CRADD: variants seen among roughly 807,000 people sequenced by gnomAD.
The protein encoded by CRADD is death domain-containing protein CRADD.
Under a neutral mutation model 15.5 loss-of-function variants are expected in CRADD, and 9 were observed. The ratio of observed to expected loss-of-function variants is 0.58; its 90% CI spans 0.35 to 1.01. The LOEUF (loss-of-function observed/expected upper bound fraction) is 1.01. Among genes scored for constraint, CRADD ranks in the 50% least tolerant of loss-of-function variants. The probability of loss-of-function intolerance (pLI) is 0.02; values close to 1 mark genes in which losing one functional copy is unlikely to be tolerated. For missense variants in CRADD, 227 were observed against 250.3 expected (o/e 0.91, Z 0.63); for synonymous variants, 118 against 107.6 (o/e 1.10, Z -0.60).
chr12:93,842,902 A>T (rs1268064743), intron 2 of CRADD, among the ~76,000 whole-genome samples: 2 of 152,066 alleles, frequency 1.3e-5, no homozygotes, highest in African/African-American at 4.8e-5. Flanking sequence ...GTCAGTATAT[A>T]TTGCCCCTTT....
At chr12:93,857,642 C>T (rs1351890059) in intron 2 of CRADD, among the ~76,000 whole-genome samples, 3 of 152,204 alleles carry the variant, frequency 2.0e-5, no homozygotes, top group Non-Finnish European at 4.4e-5. Context: ...ATTTGGCTCA[C>T]GATTCTGCTG....
At chr12:93,714,270 A>C (rs1956124320) in intron 2 of CRADD, among the ~76,000 whole-genome samples, 1 of 152,182 alleles carries the variant, frequency 6.6e-6, no homozygotes, top group Non-Finnish European at 1.5e-5. Flanking sequence ...TCCAATCCTG[A>C]GAATTTGTGA....
chr12:93,790,368 G>A (rs1015190597), intron 2 of CRADD, among the ~76,000 whole-genome samples: 4 of 151,886 alleles, frequency 2.6e-5, no homozygotes, highest in Non-Finnish European at 4.4e-5. Flanking sequence ...GCTAAATGAC[G>A]AGTTAATGGG....
At chr12:93,870,961 A>C (rs551063006) in intron 2 of CRADD, among the ~76,000 whole-genome samples, 1 of 152,220 alleles carries the variant, frequency 6.6e-6, no homozygotes, top group Non-Finnish European at 1.5e-5. Context: ...ACATAAGCAA[A>C]ATGGGAGCAC....
chr12:93,742,844 G>A (rs1253248315), intron 2 of CRADD, among the ~76,000 whole-genome samples: 1 of 152,012 alleles, frequency 6.6e-6, no homozygotes, highest in African/African-American at 2.4e-5. Context: ...GTGTTTGTGC[G>A]GCTCCAGATC....
At chr12:93,793,036 A>G (rs1248597163) in intron 2 of CRADD, among the ~76,000 whole-genome samples, 1 of 152,216 alleles carries the variant, frequency 6.6e-6, no homozygotes, top group Non-Finnish European at 1.5e-5. Context: ...ATGTATCATT[A>G]TATACTCAGA....
chr12:93,799,033 G>A (rs1202039694), intron 2 of CRADD, among the ~76,000 whole-genome samples: 1 of 152,082 alleles, frequency 6.6e-6, no homozygotes, highest in Non-Finnish European at 1.5e-5. Context: ...AGGAGAAGAA[G>A]GGAGGGAAGA....
chr12:93,698,522 G>A (rs1955766871), intron 2 of CRADD, among the ~76,000 whole-genome samples: 1 of 152,086 alleles, frequency 6.6e-6, no homozygotes. Context: ...TCAGGAACTA[G>A]GAAGAGCATT....
intron 2 of CRADD, among the ~76,000 whole-genome samples, chr12:93,874,284 G>A (rs997077170): frequency 6.6e-6 from 1 of 151,902 alleles, no homozygotes. Context: ...TGTATCAGTT[G>A]TCATGTCTCC....
At chr12:93,741,973 T>C (rs1227121542) in intron 2 of CRADD, among the ~76,000 whole-genome samples, 2 of 152,206 alleles carry the variant, frequency 1.3e-5, no homozygotes, top group Non-Finnish European at 2.9e-5. Context: ...ATCTTTGTTA[T>C]CTGATTTGCT....
chr12:93,791,151 A>G (rs1455020906), intron 2 of CRADD, among the ~76,000 whole-genome samples: 3 of 152,204 alleles, frequency 2.0e-5, no homozygotes, highest in African/African-American at 7.2e-5. Context: ...CGTATGATCA[A>G]GCAATCTCAC....
chr12:93,894,301 CTAG>C, exon 3 of CRADD: 1 of 601,084 alleles, frequency 1.7e-6, no homozygotes, highest in Non-Finnish European at 3.0e-6. Flanking sequence ...ATGTTGGCAT[CTAG>C]TGAGTAGATA....
intron 2 of CRADD, among the ~76,000 whole-genome samples, chr12:93,758,554 G>T (rs1032502665): frequency 3.3e-5 from 5 of 151,720 alleles, no homozygotes; most frequent in Admixed American, 1.3e-4. Context: ...ATATAATTAT[G>T]ACTTTTAATT....
chr12:93,854,555 C>T (rs1035280026), downstream of CRADD, among the ~76,000 whole-genome samples: 5 of 152,204 alleles, frequency 3.3e-5, no homozygotes, highest in Admixed American at 6.5e-5. Flanking sequence ...GGGTCCGTTT[C>T]GTGCAATCCA....
chr12:93,781,347 A>G (rs1445155455), intron 2 of CRADD, among the ~76,000 whole-genome samples: 1 of 152,206 alleles, frequency 6.6e-6, no homozygotes, highest in Admixed American at 6.5e-5. Context: ...TGGATTTAAA[A>G]AGGAGATCTC....
At chr12:93,701,332 A>AAT in intron 2 of CRADD, among the ~76,000 whole-genome samples, 1 of 147,484 alleles carries the variant, frequency 6.8e-6, no homozygotes, top group Admixed American at 6.7e-5. Flanking sequence ...ACACACACAC[A>AAT]ATCTGTAAGT....
intron 2 of CRADD, among the ~76,000 whole-genome samples, chr12:93,830,680 T>C (rs938567990): frequency 2.8e-4 from 43 of 152,220 alleles, no homozygotes; most frequent in Non-Finnish European, 2.5e-4. Context: ...AAGTAGGTAC[T>C]GAATACTTGC....
chr12:93,718,622 C>T (rs975754012), intron 2 of CRADD, among the ~76,000 whole-genome samples: 1 of 152,074 alleles, frequency 6.6e-6, no homozygotes, highest in Non-Finnish European at 1.5e-5. Flanking sequence ...TTGTGTCTTC[C>T]TTCTTAATCT....
At chr12:93,828,920 A>C (rs1016157517) in intron 2 of CRADD, among the ~76,000 whole-genome samples, 3 of 152,168 alleles carry the variant, frequency 2.0e-5, no homozygotes, top group African/African-American at 7.2e-5. Context: ...TGAGCTTTCC[A>C]GGGGGATGTG....
Sources: allele counts gnomAD v4.1 joint callset (sites outside exome capture counted in the v4.1 genomes callset), GRCh38; gene constraint gnomAD v4.1.1; transcripts MANE v1.5; gene names NCBI Gene and HGNC (gene_info 2026-07-23, HGNC 2026-07-21).